The following LARP1 variants were observed in gnomAD, a reference collection of about 807,000 sequenced individuals.
The protein encoded by LARP1 is la-related protein 1.
A neutral mutation model predicts 122.7 loss-of-function variants in LARP1; 36 were observed. The observed-to-expected ratio is 0.29, with a 90% CI of 0.22 to 0.39. The LOEUF is 0.39. LARP1 is among the 10% of genes least tolerant of loss of function. LARP1 has a pLI of 1.00. For synonymous variants in LARP1, 539 were observed against 528.7 expected (o/e 1.02, Z -0.27); for missense variants, 1,040 against 1,403.6 (o/e 0.74, Z 4.14).
intron 1 of LARP1, among the ~76,000 whole-genome samples, chr5:154,696,088 G>A (rs1295772316): frequency 6.6e-6 from 1 of 152,138 alleles, no homozygotes; most frequent in Non-Finnish European, 1.5e-5. Flanking sequence ...TGGGCACGGT[G>A]GCTCACTCCT....
chr5:154,811,367 G>C lies in LARP1; in HGVS notation c.2953+11G>C. On this transcript the variant is annotated intron_variant, in intron 17 of 18. Transcript: ENST00000518297. ...AGGACTATGAAGCTGGTAAGAGCCA[G>C]AGTTGGATCTGAGTGAGGCCTGGTC... is the stretch of plus-strand genomic sequence containing the variant. 6.2e-7 allele frequency: 1 copy of C among 1,613,280 alleles called. No individual in the cohort carries two copies. The highest frequency in any genetic ancestry group is 2.2e-5 in the East Asian group (1 of 44,884).
chr5:154,699,904 C>T lies in LARP1; in HGVS notation c.-180+16867C>T, dbSNP rs78925775. Among the ~76,000 whole-genome samples, 31 of 152,252 alleles carry T rather than the reference C, an allele frequency of 2.0e-4. No individual in the cohort carries two copies. In the East Asian group the frequency reaches 4.2e-3, roughly 21 times the overall value. On this transcript the variant is annotated intron_variant, in intron 1 of 18. Coordinates refer to the LARP1 transcript ENST00000687700. ...CTATGCAAGTGGAGAAACTGAGGCC[C>T]GGAGAGGAAAACAGGTTTTCCCAAG...
chr5:154,771,762 T>C (rs1221094724), intron 1 of LARP1, among the ~76,000 whole-genome samples: 1 of 152,172 alleles, frequency 6.6e-6, no homozygotes, highest in Admixed American at 6.5e-5. Flanking sequence ...CTTATTCCCC[T>C]AGAGATGTTC....
At chr5:154,770,098 C>T (rs1755278749) in intron 1 of LARP1, among the ~76,000 whole-genome samples, 1 of 151,890 alleles carries the variant, frequency 6.6e-6, no homozygotes, top group South Asian at 2.1e-4. Context: ...TTACCCAGTT[C>T]TGTGGAAAAT....
rs1242211984 is a variant in LARP1, at chr5:154,790,364, C to T, written c.476C>T (p.Pro159Leu). 27 of 1,613,764 alleles carry T rather than the reference C, an allele frequency of 1.7e-5. No homozygotes were observed. The highest frequency in any genetic ancestry group is 2.0e-5 in the Non-Finnish European group (24 of 1,179,842). Residue 159 changes from proline (P) to leucine (L), a missense_variant, in exon 2 of 19, where the codon CCT becomes CTT. This residue lies in a region of LARP1 where 257 missense variants were observed against 273.3 expected (regional missense o/e 0.94). Coordinates refer to ENST00000518297, the MANE Select transcript of LARP1 (RefSeq NM_033551.3). ...GCCAAGGTGGTGAGGGCAGCTGTTC[C>T]TAAACAGCGCAAAGGCAGCAAGGTA... ...APAKVVRAAV[P>L]KQRKGSKVGD... is the part of the protein sequence containing the mutation.
At chr5:154,710,554 C>T (rs1399098608), upstream of LARP1, among the ~76,000 whole-genome samples, 3 of 151,802 alleles carry the variant, frequency 2.0e-5, no homozygotes, top group Non-Finnish European at 2.9e-5. Context: ...CCAGCCTGAC[C>T]GACATGGTGA....
At chr5:154,701,627 T>C (rs1243475904) in intron 1 of LARP1, among the ~76,000 whole-genome samples, 1 of 151,008 alleles carries the variant, frequency 6.6e-6, no homozygotes, top group African/African-American at 2.4e-5. Flanking sequence ...ACTTTCTTTT[T>C]TTTTTTTTTT....
At chr5:154,709,014 G>A (rs533817388), upstream of LARP1, among the ~76,000 whole-genome samples, 36 of 152,298 alleles carry the variant, frequency 2.4e-4, no homozygotes, top group South Asian at 6.6e-3. Flanking sequence ...CCTGGATTGC[G>A]TACCACGGTG....
intron 1 of LARP1, among the ~76,000 whole-genome samples, chr5:154,758,386 C>T (rs1303455987): frequency 6.6e-6 from 1 of 152,196 alleles, no homozygotes; most frequent in African/African-American, 2.4e-5. Flanking sequence ...AAGAGAGTGT[C>T]TACTTGTTGG....
At chr5:154,687,068 G>A (rs562455463) in intron 1 of LARP1, among the ~76,000 whole-genome samples, 2 of 152,360 alleles carry the variant, frequency 1.3e-5, no homozygotes, top group South Asian at 4.1e-4. Context: ...GGGTCTGGGG[G>A]AAGATGGACG....
At chr5:154,758,524 T>G (rs1207503188) in intron 1 of LARP1, among the ~76,000 whole-genome samples, 1 of 152,218 alleles carries the variant, frequency 6.6e-6, no homozygotes, top group Non-Finnish European at 1.5e-5. Context: ...GTCAGTCTGG[T>G]AAGGCTAGAT....
Position 154,802,051 on chromosome 5 carries a change from G to A in LARP1, c.1761G>A (p.Gln587=). The A allele has an allele frequency of 6.2e-7, 1 of 1,613,972 alleles. No homozygotes were observed. Among genetic ancestry groups the A allele is most frequent in the Non-Finnish European group, 8.5e-7 (1 of 1,179,930 alleles). The part of the protein sequence containing the change: ...SRFSHLTSLP[Q]QLPSQQLMSK... ...TTTCCCACCTGACCTCTCTGCCTCA[G>A]CAGCTGCCTTCCCAGCAGCTGATGT... Residue 587 remains glutamine, a synonymous_variant, in exon 11 of 19, where the codon CAG becomes CAA. Transcript: ENST00000518297. The surrounding 1 kb of genome is among the most constrained non-coding windows in gnomAD (Gnocchi z 5.1).
intron 1 of LARP1, among the ~76,000 whole-genome samples, chr5:154,781,353 G>C (rs1419553474): frequency 1.3e-5 from 2 of 152,198 alleles, no homozygotes; most frequent in East Asian, 3.8e-4. Context: ...CAGCACTTTG[G>C]GAGGCCGAGG....
intron 1 of LARP1, among the ~76,000 whole-genome samples, chr5:154,706,951 C>G (rs2113274035): frequency 6.6e-6 from 1 of 152,196 alleles, no homozygotes; most frequent in Non-Finnish European, 1.5e-5. Flanking sequence ...TCACACCATC[C>G]CCCCACATTT....
chr5:154,729,716 T>G, intron 1 of LARP1: 1 of 257,470 alleles, frequency 3.9e-6, no homozygotes, highest in South Asian at 4.6e-5. Flanking sequence ...AAAATACCTC[T>G]AGACTGTAAA....
chr5:154,791,176 C>G (rs1339648884), intron 3 of LARP1, among the ~76,000 whole-genome samples: 4 of 148,876 alleles, frequency 2.7e-5, no homozygotes, highest in Non-Finnish European at 5.9e-5. Flanking sequence ...GCTCAGTCAC[C>G]CAGGCTGGAG....
At chr5:154,751,335 G>A (rs1205017993), upstream of LARP1, among the ~76,000 whole-genome samples, 1 of 152,148 alleles carries the variant, frequency 6.6e-6, no homozygotes, top group Non-Finnish European at 1.5e-5. Context: ...GTAATTTGAA[G>A]ACAATAACCA....
chr5:154,800,281 C>A (rs1049665845), intron 10 of LARP1, among the ~76,000 whole-genome samples: 1 of 152,176 alleles, frequency 6.6e-6, no homozygotes, highest in African/African-American at 2.4e-5. Context: ...TCCTCGGTGA[C>A]ATTTTTCTTA....
In LARP1 at chr5:154,794,277, GCCTTCTTAC is replaced by G; in HGVS notation, c.1232+19_1232+27del. The G allele has an allele frequency of 6.2e-7, 1 of 1,612,002 alleles. No individual in the cohort carries two copies. The highest frequency in any genetic ancestry group is 8.5e-7 in the Non-Finnish European group (1 of 1,178,236). On this transcript the variant is annotated intron_variant, in intron 7 of 18. Transcript: ENST00000518297. The stretch of plus-strand genomic sequence containing the variant: ...AAGCGCCAGATGTGAGTGTGCGGAA[GCCTTCTTAC>G]CCTGGAGAAATGAGTGAGAGGTTAG...
Sources: allele counts gnomAD v4.1 joint callset (sites outside exome capture counted in the v4.1 genomes callset), GRCh38; gene constraint gnomAD v4.1.1; regional missense constraint gnomAD v4.1.1; non-coding constraint Gnocchi (gnomAD v3.1); transcripts MANE v1.5; gene names NCBI Gene and HGNC (gene_info 2026-07-23, HGNC 2026-07-21).